LRMDA: variants seen among roughly 807,000 people sequenced by gnomAD.
LRMDA encodes leucine-rich melanocyte differentiation-associated protein.
LRMDA carries 18 observed loss-of-function variants against 29.8 expected under a neutral mutation model. The ratio of observed to expected loss-of-function variants is 0.60; its 90% confidence interval spans 0.42 to 0.90. The LOEUF (loss-of-function observed/expected upper bound fraction) is 0.90. Ranked by LOEUF, LRMDA falls within the 40% of genes least tolerant of loss-of-function variation. The pLI, the probability that LRMDA is intolerant of heterozygous loss-of-function variation, is 0.00. For missense variants in LRMDA, 273 were observed against 273.9 expected (o/e 1.00, Z 0.02); for synonymous variants, 125 against 109.4 (o/e 1.14, Z -0.89).
At chr10:76,491,708 G>T (rs916241633) in intron 6 of LRMDA, among the ~76,000 whole-genome samples, 2 of 151,826 alleles carry the variant, frequency 1.3e-5, no homozygotes, top group Non-Finnish European at 2.9e-5. Flanking sequence ...CTTGAATATT[G>T]ATAGCTTTCT....
chr10:76,150,495 G>A lies in LRMDA; in HGVS notation c.516+91712G>A, dbSNP rs145926498. On this transcript the variant is annotated intron_variant, in intron 5 of 6. Transcript: ENST00000611255. ...CTCAGCAATGCATGGTTTTGCCTCC[G>A]CTGACCCTGGCCCCTTAACATGTCA... 1.1e-4 allele frequency among the ~76,000 whole-genome samples: 16 copies of A among 152,276 alleles called. No homozygotes were observed. In the East Asian group the frequency reaches 2.9e-3, roughly 28 times the overall value.
At chr10:76,471,805 A>G (rs1219629486) in intron 6 of LRMDA, among the ~76,000 whole-genome samples, 1 of 151,838 alleles carries the variant, frequency 6.6e-6, no homozygotes, top group Non-Finnish European at 1.5e-5. Flanking sequence ...ACTTTAAGAC[A>G]GAAAAAGTTA....
chr10:76,244,597 C>A (rs1049366751), intron 5 of LRMDA, among the ~76,000 whole-genome samples: 2 of 152,120 alleles, frequency 1.3e-5, no homozygotes, highest in Non-Finnish European at 2.9e-5. Flanking sequence ...GGCTGGCCAG[C>A]TGGGGTCTGT....
intron 5 of LRMDA, among the ~76,000 whole-genome samples, chr10:76,226,790 G>A (rs186292457): frequency 2.6e-4 from 39 of 152,222 alleles, no homozygotes; most frequent in Non-Finnish European, 4.6e-4. Flanking sequence ...AGTGGAATCA[G>A]CCTGAAGCCC....
At chr10:75,816,757 G>T (rs916419248) in intron 2 of LRMDA, among the ~76,000 whole-genome samples, 1 of 152,186 alleles carries the variant, frequency 6.6e-6, no homozygotes, top group African/African-American at 2.4e-5. Flanking sequence ...TGGATGTATA[G>T]CGAGTCCTCA....
intron 2 of LRMDA, among the ~76,000 whole-genome samples, chr10:75,752,050 T>TAA: frequency 6.6e-6 from 1 of 151,028 alleles, no homozygotes; most frequent in East Asian, 1.9e-4. Flanking sequence ...TATATATATA[T>TAA]AAACAAAGAT....
At chr10:75,971,877 A>G (rs73281437) in intron 2 of LRMDA, among the ~76,000 whole-genome samples, 2,575 of 152,202 alleles carry the variant, frequency 0.017, 83 homozygotes, top group African/African-American at 0.058. Context: ...TTTTTGGCCA[A>G]CGACTTCTGT....
At chr10:76,272,530 G>A (rs1275841178) in intron 5 of LRMDA, among the ~76,000 whole-genome samples, 5 of 152,198 alleles carry the variant, frequency 3.3e-5, no homozygotes, top group Non-Finnish European at 2.9e-5. Flanking sequence ...GCATTAACAA[G>A]ATACATTAGC....
At chr10:75,676,987 T>C (rs759377796) in intron 2 of LRMDA, among the ~76,000 whole-genome samples, 115 of 152,340 alleles carry the variant, frequency 7.5e-4, no homozygotes, top group Non-Finnish European at 9.1e-4. Context: ...TTTTAATATT[T>C]ATGGCATTAA....
chr10:75,749,706 A>C (rs1160231698), intron 2 of LRMDA, among the ~76,000 whole-genome samples: 1 of 151,188 alleles, frequency 6.6e-6, no homozygotes, highest in Non-Finnish European at 1.5e-5. Flanking sequence ...ATAGGACAAT[A>C]GTGGAGGGAA....
chr10:75,487,552 AG>A (rs1287266485), intron 2 of LRMDA, among the ~76,000 whole-genome samples: 9 of 152,148 alleles, frequency 5.9e-5, no homozygotes, highest in Non-Finnish European at 1.2e-4. Flanking sequence ...GAGGTGTGGG[AG>A]GTTTTTAAGT....
At chr10:76,049,011 C>T (rs1477183824) in intron 4 of LRMDA, among the ~76,000 whole-genome samples, 1 of 152,180 alleles carries the variant, frequency 6.6e-6, no homozygotes, top group Non-Finnish European at 1.5e-5. Context: ...TTGGCCATCT[C>T]AGATGCCCAC....
At chr10:75,634,896 G>A (rs2132115388) in intron 2 of LRMDA, among the ~76,000 whole-genome samples, 1 of 152,008 alleles carries the variant, frequency 6.6e-6, no homozygotes, top group South Asian at 2.1e-4. Context: ...ATTTATATGA[G>A]GAAAACTATA....
chr10:76,535,043 C>A (rs937725033), intron 6 of LRMDA, among the ~76,000 whole-genome samples: 1 of 152,200 alleles, frequency 6.6e-6, no homozygotes, highest in South Asian at 2.1e-4. Flanking sequence ...TTGCTATGTG[C>A]CAGGCAATAG....
intron 2 of LRMDA, among the ~76,000 whole-genome samples, chr10:75,456,823 G>A (rs1005571094): frequency 3.0e-4 from 46 of 152,048 alleles, no homozygotes; most frequent in African/African-American, 1.1e-3. Flanking sequence ...TTACAGGTGC[G>A]TGCCACCACT....
intron 6 of LRMDA, among the ~76,000 whole-genome samples, chr10:76,528,036 A>G (rs1185894742): frequency 1.3e-5 from 2 of 152,192 alleles, no homozygotes; most frequent in Non-Finnish European, 2.9e-5. Context: ...ATTTCCACTT[A>G]TTAAACTAGC....
At chr10:76,353,589 T>C (rs1841204879) in intron 6 of LRMDA, among the ~76,000 whole-genome samples, 1 of 152,124 alleles carries the variant, frequency 6.6e-6, no homozygotes, top group South Asian at 2.1e-4. Context: ...GACATAGCTA[T>C]GCCGTGGAGA....
At chr10:76,132,760 C>T (rs1589341795) in intron 5 of LRMDA, among the ~76,000 whole-genome samples, 2 of 152,012 alleles carry the variant, frequency 1.3e-5, no homozygotes, top group East Asian at 3.9e-4. Context: ...GAGTCTTGAC[C>T]ATTCATCATT....
chr10:75,926,691 A>G (rs1290196046), intron 2 of LRMDA, among the ~76,000 whole-genome samples: 4 of 152,230 alleles, frequency 2.6e-5, no homozygotes, highest in African/African-American at 7.2e-5. Flanking sequence ...TGTGGATTGC[A>G]GTGGTGTGCT....
Sources: gnomAD v4.1 joint callset for allele counts (sites outside exome capture counted in the v4.1 genomes callset) on GRCh38, gnomAD v4.1.1 for gene constraint, MANE v1.5 for transcripts, NCBI Gene and HGNC (gene_info 2026-07-23, HGNC 2026-07-21) for gene names.